The following MIS18BP1 variants were observed in gnomAD, a reference collection of about 807,000 sequenced individuals.
MIS18BP1 encodes MIS18 binding protein 1.
MIS18BP1 carries 72 observed loss-of-function variants against 116.1 expected under a neutral mutation model. The ratio of observed to expected loss-of-function variants is 0.62; its 90% CI spans 0.51 to 0.75. The LOEUF (loss-of-function observed/expected upper bound fraction) is 0.75, where lower values mean the gene tolerates loss of function less well. MIS18BP1 is among the 30% of genes least tolerant of loss of function. The pLI is 0.00. For synonymous variants in MIS18BP1, 386 were observed against 427.0 expected, an observed-to-expected ratio of 0.90 and a Z score of 1.18; for missense variants, 1,363 against 1,303.2, an observed-to-expected ratio of 1.05 and a Z score of -0.71.
intron 10 of MIS18BP1, among the ~76,000 whole-genome samples, chr14:45,226,269 T>C (rs1029391261): frequency 1.3e-5 from 2 of 152,126 alleles, no homozygotes; most frequent in African/African-American, 2.4e-5. Flanking sequence ...TTTTCACTTA[T>C]AAGAGGAAAT....
intron 14 of MIS18BP1, 96 bp from the exon 15 acceptor site, chr14:45,206,266 A>C: frequency 1.3e-6 from 1 of 762,706 alleles, no homozygotes; most frequent in East Asian, 2.7e-5. Context: ...AGGTTGAACA[A>C]CAATTGCCTA....
intron 9 of MIS18BP1, among the ~76,000 whole-genome samples, chr14:45,227,226 T>C (rs979837395): frequency 3.9e-5 from 6 of 152,158 alleles, no homozygotes; most frequent in African/African-American, 1.4e-4. Context: ...ACAGAACTCT[T>C]GGCTGGGCGC....
chr14:45,224,158 G>C lies in MIS18BP1; in HGVS notation c.2429C>G (p.Thr810Arg). The C allele has an allele frequency of 6.2e-7, 1 of 1,613,902 alleles. No homozygotes were observed. ...TTCCAAAATCACTGGAATATTACTT[G>C]TGTTTCTTGTGCTCTTTCTCAGGTG... is the stretch of plus-strand genomic sequence containing the variant. ...VVHLRKSTRN[T>R]SNIPVILEPE... Residue 810 changes from threonine to arginine, a missense_variant, in exon 11 of 17, where the codon ACA becomes AGA. Transcript: ENST00000310806.
chr14:45,211,835 G>A (rs890358646), intron 13 of MIS18BP1, among the ~76,000 whole-genome samples: 15 of 152,194 alleles, frequency 9.9e-5, no homozygotes, highest in Non-Finnish European at 2.2e-4. Flanking sequence ...AGGTGCCTTT[G>A]TCTTGCAGAA....
intron 10 of MIS18BP1, 132 bp downstream of exon 10, chr14:45,226,611 C>A: frequency 1.3e-6 from 1 of 785,544 alleles, no homozygotes; most frequent in Non-Finnish European, 1.7e-6. Flanking sequence ...AATAACAAAA[C>A]CAAACATTTA....
In MIS18BP1 at chr14:45,246,888, GT is replaced by G; in HGVS notation, c.398del (p.Asn133ThrfsTer48). The G allele has an allele frequency of 6.2e-7, 1 of 1,612,118 alleles. No homozygotes were observed. The highest frequency in any genetic ancestry group is 8.5e-7 in the Non-Finnish European group (1 of 1,179,544). Reference sequence around the variant, plus strand: ...TTTTCTGTGGTTCCAACAAACTACTGTTTCTTGATGGCTGTTCTTGCTTGTC... The same window carrying G: ...TTTTCTGTGGTTCCAACAAACTACTGTTCTTGATGGCTGTTCTTGCTTGTC... ...LRDKQEQPSR[N>X]SSLLEPQKSG... On this transcript the variant is annotated frameshift_variant, in exon 2 of 17. Coordinates refer to ENST00000310806, the MANE Select transcript of MIS18BP1 (RefSeq NM_018353.5). LOFTEE classifies it high-confidence loss of function.
intron 2 of MIS18BP1, among the ~76,000 whole-genome samples, chr14:45,245,382 G>C (rs1173671314): frequency 7.0e-6 from 1 of 142,494 alleles, no homozygotes; most frequent in Non-Finnish European, 1.5e-5. Context: ...TTTTTTTTTT[G>C]AGATGGAGTT....
At position 45,247,278 on chromosome 14, in the gene MIS18BP1, T is replaced by G; in HGVS notation, c.9A>C (p.Ala3=). The change falls in exon 2 of 17, where the codon GCA becomes GCC. Residue 3 remains alanine (A), a synonymous_variant. Transcript: ENST00000310806. ...AAATTCTTGAATGTTTCAAAGGTGT[T>G]GCAATCATCTTGACAAGAAAGTAGC... The part of the protein sequence containing the change: MI[A]TPLKHSRIYL... The G allele has an allele frequency of 6.4e-7, 1 of 1,550,402 alleles. No homozygotes were observed. The highest frequency in any genetic ancestry group is 8.7e-7 in the Non-Finnish European group (1 of 1,154,420).
In MIS18BP1 at chr14:45,217,051, T is replaced by C. The variant is rs763819314; in HGVS notation, c.2971A>G (p.Ser991Gly). ...LPKDDHDDFF[S>G]TTPLQHQRIL... ...CTTTGATGCTGTAAAGGTGTTGTAC[T>C]GAAAAAATCATCATGGTCATCTTTT... is the stretch of plus-strand genomic sequence containing the variant. The change falls in exon 13 of 17, where the codon AGT becomes GGT. Residue 991 changes from serine (S) to glycine (G), a missense_variant. Coordinates refer to ENST00000310806, the MANE Select transcript of MIS18BP1 (RefSeq NM_018353.5). 4.3e-6 allele frequency: 7 copies of C among 1,614,158 alleles called. No homozygotes were observed. Among genetic ancestry groups the C allele is most frequent in the Non-Finnish European group, 5.9e-6 (7 of 1,179,986 alleles).
intron 1 of MIS18BP1, among the ~76,000 whole-genome samples, chr14:45,250,685 G>T (rs1314551904): frequency 6.6e-6 from 1 of 152,214 alleles, no homozygotes; most frequent in Non-Finnish European, 1.5e-5. Context: ...AAAAAAAATT[G>T]TTTTCAACAT....
intron 1 of MIS18BP1, among the ~76,000 whole-genome samples, chr14:45,250,618 G>A (rs1891843446): frequency 6.6e-6 from 1 of 152,196 alleles, no homozygotes; most frequent in Non-Finnish European, 1.5e-5. Context: ...AAGTTGTTTG[G>A]AAAAATCTAA....
chr14:45,246,235 C>A (rs910206005), intron 2 of MIS18BP1, among the ~76,000 whole-genome samples: 5 of 152,204 alleles, frequency 3.3e-5, no homozygotes, highest in African/African-American at 1.2e-4. Flanking sequence ...CATTTACCTA[C>A]AAGGCCCTTA....
intron 2 of MIS18BP1, 56 bp downstream of exon 2, chr14:45,246,687 C>A: frequency 6.7e-7 from 1 of 1,482,910 alleles, no homozygotes; most frequent in East Asian, 2.3e-5. Context: ...AAAACAGTGT[C>A]TGAAACATTA....
Position 45,223,284 on chromosome 14 carries a change from A to G in MIS18BP1, c.2669+634T>C, listed in dbSNP as rs143884626. Among the ~76,000 whole-genome samples, 473 of 152,292 alleles carry G rather than the reference A, an allele frequency of 3.1e-3. 2 individuals are homozygous for G. The highest frequency in any genetic ancestry group is 0.011 in the African/African-American group (448 of 41,562). ...TGTGGGGCACCAAACTTTACTATTT[A>G]TAACACTTGTTAGGCCGGGCACGGT... is the stretch of plus-strand genomic sequence containing the variant. On this transcript the variant is annotated intron_variant, in intron 11 of 16. Coordinates refer to ENST00000310806, the MANE Select transcript of MIS18BP1 (RefSeq NM_018353.5).
At chr14:45,239,994 T>A (rs1226107272) in intron 4 of MIS18BP1, among the ~76,000 whole-genome samples, 2 of 152,076 alleles carry the variant, frequency 1.3e-5, no homozygotes, top group Non-Finnish European at 2.9e-5. Flanking sequence ...AGAATAAGAA[T>A]CTCACATTTT....
At position 45,242,422 on chromosome 14, in the gene MIS18BP1, T is replaced by C. The variant is rs766074721; in HGVS notation, c.755A>G (p.His252Arg). 4.3e-6 allele frequency: 7 copies of C among 1,613,790 alleles called. No individual in the cohort carries two copies. The highest frequency in any genetic ancestry group is 5.9e-6 in the Non-Finnish European group (7 of 1,179,918). ...TRAQLAKQIF[H>R]SKESIVATTK... is the part of the protein sequence containing the mutation. ...GGTTGCAACTATACTCTCCTTTGAG[T>C]GAAAAATTTGTTTAGCCAACTGAGC... Residue 252 changes from histidine (H) to arginine (R), a missense_variant, in exon 4 of 17, where the codon CAC (histidine) becomes CGC (arginine). By Grantham distance (29) the His-to-Arg change is conservative. Coordinates refer to ENST00000310806, the MANE Select transcript of MIS18BP1 (RefSeq NM_018353.5).
chr14:45,225,090 C>G (rs1891089923), intron 10 of MIS18BP1, among the ~76,000 whole-genome samples: 1 of 152,166 alleles, frequency 6.6e-6, no homozygotes, highest in Non-Finnish European at 1.5e-5. Flanking sequence ...ACACCACTTG[C>G]TATTTCTCAG....
At position 45,231,267 on chromosome 14, in the gene MIS18BP1, G is replaced by C. The variant is rs751177112; in HGVS notation, c.1468C>G (p.Gln490Glu). The change falls in exon 8 of 17, where the codon CAA (glutamine) becomes GAA (glutamate). Residue 490 changes from glutamine to glutamate, a missense_variant. Gln to Glu is a conservative substitution (Grantham distance 29, BLOSUM62 2). Coordinates refer to ENST00000310806, the MANE Select transcript of MIS18BP1 (RefSeq NM_018353.5). ...AGEKNREKTK[Q>E]KQKTGRSVRD... ...ACAGATCTTCCAGTTTTCTGTTTTT[G>C]TTTGGTCTTTTCCCTGTTCTTTTCA... 6.2e-6 allele frequency: 10 copies of C among 1,610,188 alleles called. No homozygotes were observed. In the South Asian group the frequency reaches 1.1e-4, roughly 18 times the overall value.
chr14:45,215,417 C>G (rs1594503273), intron 13 of MIS18BP1, among the ~76,000 whole-genome samples: 2 of 152,076 alleles, frequency 1.3e-5, no homozygotes, highest in Non-Finnish European at 2.9e-5. Flanking sequence ...TTCTGCATTA[C>G]TTTAATCTTA....
Sources: allele counts gnomAD v4.1 joint callset (sites outside exome capture counted in the v4.1 genomes callset), GRCh38; gene constraint gnomAD v4.1.1; transcripts MANE v1.5; gene names NCBI Gene and HGNC (gene_info 2026-07-23, HGNC 2026-07-21).